Variants in LIMCH1 observed in about 807,000 individuals in gnomAD.
LIMCH1 encodes the protein LIM and calponin homology domains-containing protein 1.
Under a neutral mutation model 176.5 loss-of-function variants are expected in LIMCH1, and 113 were observed. That is an observed-to-expected ratio of 0.64 (90% confidence interval 0.55 to 0.75). The LOEUF (loss-of-function observed/expected upper bound fraction) is 0.75, where lower values mean the gene tolerates loss of function less well. LIMCH1 is among the 30% of genes least tolerant of loss of function. LIMCH1 has a pLI of 0.00. For synonymous variants in LIMCH1, 619 were observed against 645.9 expected (o/e 0.96, Z 0.63); for missense variants, 1,674 against 1,814.9 (o/e 0.92, Z 1.41).
At chr4:41,579,144 G>T (rs1452609113) in intron 1 of LIMCH1, among the ~76,000 whole-genome samples, 1 of 151,738 alleles carries the variant, frequency 6.6e-6, no homozygotes, top group Non-Finnish European at 1.5e-5. Context: ...TGCCAGTCAA[G>T]GTGCTCAGAA....
intron 1 of LIMCH1, among the ~76,000 whole-genome samples, chr4:41,419,835 C>A (rs2060457131): frequency 6.7e-6 from 1 of 149,482 alleles, no homozygotes; most frequent in South Asian, 2.1e-4. Context: ...CCCTCCCTCT[C>A]TTCCTCCCTC....
chr4:41,452,657 T>G (rs1249393445), intron 1 of LIMCH1, among the ~76,000 whole-genome samples: 1 of 152,204 alleles, frequency 6.6e-6, no homozygotes, highest in Non-Finnish European at 1.5e-5. Context: ...TTGTTCACCA[T>G]TCCACTCTCA....
At chr4:41,641,547 T>A (rs1300322905) in intron 14 of LIMCH1, among the ~76,000 whole-genome samples, 1 of 152,228 alleles carries the variant, frequency 6.6e-6, no homozygotes, top group Non-Finnish European at 1.5e-5. Flanking sequence ...TTTCAGATTT[T>A]GAACTTTTTT....
At chr4:41,532,477 CT>C (rs2077433225) in intron 3 of LIMCH1, among the ~76,000 whole-genome samples, 1 of 152,216 alleles carries the variant, frequency 6.6e-6, no homozygotes, top group Non-Finnish European at 1.5e-5. Flanking sequence ...TAACATTTAT[CT>C]CTCACTTTGT....
intron 1 of LIMCH1, among the ~76,000 whole-genome samples, chr4:41,414,556 G>A (rs2059761961): frequency 2.0e-5 from 3 of 152,228 alleles, no homozygotes; most frequent in South Asian, 2.1e-4. Flanking sequence ...GTCAGATACC[G>A]GGCGATTGAC....
chr4:41,623,621 C>T (rs1169403713), intron 7 of LIMCH1, among the ~76,000 whole-genome samples: 1 of 151,998 alleles, frequency 6.6e-6, no homozygotes, highest in East Asian at 1.9e-4. Flanking sequence ...ATTAGCCAGG[C>T]GTGGTGGCAT....
intron 17 of LIMCH1, among the ~76,000 whole-genome samples, chr4:41,647,189 A>G (rs2152930751): frequency 6.6e-6 from 1 of 152,320 alleles, no homozygotes; most frequent in East Asian, 1.9e-4. Flanking sequence ...ATTTCTCTGT[A>G]CTAGTGGTAA....
intron 21 of LIMCH1, 37 bp downstream of exon 21, chr4:41,666,703 C>A: frequency 1.5e-6 from 2 of 1,297,714 alleles, no homozygotes; most frequent in Non-Finnish European, 2.2e-6. Flanking sequence ...TCTGCATGTT[C>A]TGGGCCCATC....
At chr4:41,650,943 C>T (rs2094269953) in intron 18 of LIMCH1, among the ~76,000 whole-genome samples, 1 of 151,704 alleles carries the variant, frequency 6.6e-6, no homozygotes, top group South Asian at 2.1e-4. Context: ...CCCCTCTCTG[C>T]CTTTGTCTTC....
intron 1 of LIMCH1, among the ~76,000 whole-genome samples, chr4:41,421,102 G>T (rs1055110688): frequency 6.6e-6 from 1 of 152,308 alleles, no homozygotes; most frequent in East Asian, 1.9e-4. Flanking sequence ...TGGTTAAGGG[G>T]TATTGATATT....
intron 1 of LIMCH1, among the ~76,000 whole-genome samples, chr4:41,437,179 C>T (rs190262437): frequency 7.2e-5 from 11 of 152,310 alleles, no homozygotes; most frequent in Non-Finnish European, 1.0e-4. Flanking sequence ...TAGTGCTGAT[C>T]GGCTGCCTTT....
chr4:41,669,074 T>C (rs1420030240), intron 21 of LIMCH1, among the ~76,000 whole-genome samples: 1 of 152,158 alleles, frequency 6.6e-6, no homozygotes, highest in African/African-American at 2.4e-5. Context: ...ATCTGGTTCA[T>C]GGAAACTGTA....
chr4:41,545,212 C>G (rs1205184577), intron 1 of LIMCH1, among the ~76,000 whole-genome samples: 1 of 152,154 alleles, frequency 6.6e-6, no homozygotes, highest in African/African-American at 2.4e-5. Context: ...GCCTATCGCT[C>G]ACCTGAAAAT....
intron 1 of LIMCH1, among the ~76,000 whole-genome samples, chr4:41,479,882 A>G (rs1435363972): frequency 6.6e-6 from 1 of 152,142 alleles, no homozygotes; most frequent in Non-Finnish European, 1.5e-5. Flanking sequence ...TCCCCGTGTG[A>G]TTTTGTGCTC....
chr4:41,407,323 G>A (rs548380909), intron 1 of LIMCH1, among the ~76,000 whole-genome samples: 5 of 152,244 alleles, frequency 3.3e-5, no homozygotes, highest in African/African-American at 1.2e-4. Context: ...CGACCTGCTG[G>A]GCTCAAGCGA....
intron 2 of LIMCH1, among the ~76,000 whole-genome samples, chr4:41,511,353 C>T (rs755016794): frequency 2.6e-5 from 4 of 152,224 alleles, no homozygotes; most frequent in Non-Finnish European, 5.9e-5. Context: ...CCTTTCCCTC[C>T]ACCACAACAT....
chr4:41,689,454 G>C (rs945671641), intron 29 of LIMCH1, 73 bp from the exon 30 acceptor site: 4 of 787,544 alleles, frequency 5.1e-6, no homozygotes, highest in African/African-American at 1.7e-5. Context: ...TTTTGCATGA[G>C]GTTACATGTC....
chr4:41,380,669 C>T (rs1193606591), intron 1 of LIMCH1, among the ~76,000 whole-genome samples: 1 of 152,042 alleles, frequency 6.6e-6, no homozygotes, highest in Non-Finnish European at 1.5e-5. Flanking sequence ...CAATGTGCAG[C>T]CAGGGTGGAG....
intron 21 of LIMCH1, among the ~76,000 whole-genome samples, chr4:41,669,729 A>T (rs1362104697): frequency 1.3e-5 from 2 of 152,232 alleles, no homozygotes; most frequent in Non-Finnish European, 2.9e-5. Flanking sequence ...TAATAAATGT[A>T]ACCTTAAAAT....
Sources: allele counts gnomAD v4.1 joint callset (sites outside exome capture counted in the v4.1 genomes callset), GRCh38; gene constraint gnomAD v4.1.1; transcripts MANE v1.5; gene names NCBI Gene and HGNC (gene_info 2026-07-23, HGNC 2026-07-21).